The following ADIPOQ variants were observed in gnomAD, a reference collection of about 807,000 sequenced individuals.
ADIPOQ encodes adiponectin.
A neutral mutation model predicts 16.1 loss-of-function variants in ADIPOQ; 19 were observed. The observed-to-expected ratio is 1.18, with a 90% confidence interval of 0.82 to 1.73. The LOEUF is 1.73. Ranked by LOEUF, ADIPOQ falls within the 40% of genes most tolerant of loss-of-function variation. The probability of loss-of-function intolerance (pLI) is 0.00; values close to 1 mark genes in which losing one functional copy is unlikely to be tolerated. For synonymous variants in ADIPOQ, 124 were observed against 125.5 expected (o/e 0.99, Z 0.08); for missense variants, 323 against 308.3 (o/e 1.05, Z -0.36).
At chr3:186,853,418 G>A (rs944370655) in intron 2 of ADIPOQ, 146 bp downstream of exon 2, 54 of 1,082,468 alleles carry the variant, frequency 5.0e-5, no homozygotes, top group Non-Finnish European at 7.1e-5. Context: ...GTGATTTGGG[G>A]TTGGTCTTCC....
intron 1 of ADIPOQ, among the ~76,000 whole-genome samples, chr3:186,847,896 G>C (rs1711620100): frequency 6.6e-6 from 1 of 152,164 alleles, no homozygotes; most frequent in Non-Finnish European, 1.5e-5. Context: ...AACAGGCCGG[G>C]CGCAGTGGCT....
At chr3:186,848,618 C>T (rs530539485) in intron 1 of ADIPOQ, among the ~76,000 whole-genome samples, 1 of 152,256 alleles carries the variant, frequency 6.6e-6, no homozygotes, top group Non-Finnish European at 1.5e-5. Flanking sequence ...CTTGGAGTAT[C>T]ATTTTCATGT....
intron 1 of ADIPOQ, among the ~76,000 whole-genome samples, chr3:186,850,446 T>G (rs1183487538): frequency 6.6e-6 from 1 of 152,104 alleles, no homozygotes; most frequent in African/African-American, 2.4e-5. Context: ...GTATAACATA[T>G]GCTGCCATGT....
intron 1 of ADIPOQ, among the ~76,000 whole-genome samples, chr3:186,850,271 CAAAAA>C (rs71634014): frequency 1.1e-5 from 1 of 88,740 alleles, no homozygotes. Context: ...TCCTCTCTCT[CAAAAA>C]AAAAAAAAAA....
At chr3:186,847,060 C>A (rs1365465395) in intron 1 of ADIPOQ, among the ~76,000 whole-genome samples, 1 of 152,212 alleles carries the variant, frequency 6.6e-6, no homozygotes, top group African/African-American at 2.4e-5. Flanking sequence ...CTGAAGTCCC[C>A]TTTCCTCATC....
chr3:186,851,526 C>T lies in ADIPOQ; in HGVS notation c.-8-1525C>T, dbSNP rs113384245. 1.1e-3 allele frequency among the ~76,000 whole-genome samples: 160 copies of T among 152,186 alleles called. 1 individual carries two copies. The highest frequency in any genetic ancestry group is 3.8e-3 in the African/African-American group (158 of 41,528). Reference sequence around the variant, plus strand: ...AAAGAATGATTTTGAGACAGGGAGGCTTTTGACTACCTGTGCCACTTGAGC... The same window carrying T: ...AAAGAATGATTTTGAGACAGGGAGGTTTTTGACTACCTGTGCCACTTGAGC... On this transcript the variant is annotated intron_variant, in intron 1 of 2. Coordinates refer to ENST00000320741, the MANE Select transcript of ADIPOQ (RefSeq NM_004797.4).
intron 2 of ADIPOQ, 188 bp from the exon 3 acceptor site, chr3:186,853,996 C>T: frequency 1.7e-6 from 1 of 604,378 alleles, no homozygotes; most frequent in Non-Finnish European, 2.9e-6. Flanking sequence ...ATTATGGGAG[C>T]CTCCATGTCT....
intron 1 of ADIPOQ, among the ~76,000 whole-genome samples, chr3:186,849,368 A>T (rs970852084): frequency 1.3e-5 from 2 of 152,220 alleles, no homozygotes; most frequent in Non-Finnish European, 2.9e-5. Flanking sequence ...AAGATGCATG[A>T]AATCTGTAAA....
Position 186,848,189 on chromosome 3 carries a change from G to GAC in ADIPOQ, c.-8-4861_-8-4860insCA, listed in dbSNP as rs1553805201. On this transcript the variant is annotated intron_variant, in intron 1 of 2. Coordinates refer to ENST00000320741, the MANE Select transcript of ADIPOQ (RefSeq NM_004797.4). ...CTCCACTTCAGAAACAAAAAAAAAA[G>GAC]AGAGAGAGAAAAGAAGGAAGGAAGG... 1.4e-4 allele frequency among the ~76,000 whole-genome samples: 7 copies of GAC among 50,734 alleles called. 1 individual carries two copies. Among genetic ancestry groups the GAC allele is most frequent in the East Asian group, 5.6e-4 (1 of 1,790 alleles). The allele number at this position is 50,734 out of a possible 152,430, so 33.3% of individuals were successfully genotyped here.
rs1712022226 is a variant in ADIPOQ, at chr3:186,856,803, G to A, written c.*2099G>A. 6.6e-6 allele frequency: 1 copy of A among 152,092 alleles called. No individual in the cohort carries two copies. The highest frequency in any genetic ancestry group is 1.5e-5 in the Non-Finnish European group (1 of 68,024). 9.4% of individuals were successfully genotyped at this position (152,092 alleles called of 1,614,324 possible). A position where few individuals can be genotyped will look rare whatever the true frequency, so the allele number is the denominator to read the frequency against. ...TTAGTCAGAACTCTGTGTTGTGAAT[G>A]TCATTCACAACAGAAAACCCAAAAT... On this transcript the variant is annotated 3_prime_UTR_variant, in exon 3 of 3. Coordinates refer to ENST00000320741, the MANE Select transcript of ADIPOQ (RefSeq NM_004797.4).
intron 1 of ADIPOQ, among the ~76,000 whole-genome samples, chr3:186,849,221 G>T (rs1161414751): frequency 6.6e-6 from 1 of 152,162 alleles, no homozygotes; most frequent in Non-Finnish European, 1.5e-5. Context: ...CTGTTTCCCA[G>T]CAGAAAAGGA....
At chr3:186,851,260 AG>A (rs1711757029) in intron 1 of ADIPOQ, among the ~76,000 whole-genome samples, 1 of 152,224 alleles carries the variant, frequency 6.6e-6, no homozygotes, top group South Asian at 2.1e-4. Flanking sequence ...GTTTAGAATC[AG>A]ATTCTTGGGA....
chr3:186,845,944 T>C (rs1025643229), intron 1 of ADIPOQ, among the ~76,000 whole-genome samples: 1 of 152,304 alleles, frequency 6.6e-6, no homozygotes, highest in African/African-American at 2.4e-5. Context: ...GTAGTGCTTT[T>C]TCGGAGGCAC....
At chr3:186,845,393 C>T (rs772634935) in intron 1 of ADIPOQ, among the ~76,000 whole-genome samples, 3 of 151,880 alleles carry the variant, frequency 2.0e-5, no homozygotes, top group African/African-American at 4.8e-5. Flanking sequence ...TTTTTTGAGA[C>T]AGAGTTTCAC....
intron 1 of ADIPOQ, among the ~76,000 whole-genome samples, chr3:186,844,527 A>C (rs1180320830): frequency 1.3e-5 from 2 of 151,540 alleles, no homozygotes; most frequent in Non-Finnish European, 2.9e-5. Context: ...AAAAAAAAAA[A>C]AAATAGACAC....
In ADIPOQ at chr3:186,846,330, C is replaced by G. The variant is rs551824821; in HGVS notation, c.-9+3581C>G. ...CAATGCAAATTCCGCCTCCCAGGCT[C>G]AAGCAATTCTTATGTCTCAGCCTCC... On this transcript the variant is annotated intron_variant, in intron 1 of 2. Transcript: ENST00000320741. 3.9e-5 allele frequency among the ~76,000 whole-genome samples: 6 copies of G among 151,968 alleles called. No individual in the cohort carries two copies. The East Asian group carries it at 9.7e-4, about 25-fold the overall frequency.
chr3:186,853,697 T>C (rs3821799), intron 2 of ADIPOQ: 114,784 of 224,586 alleles, frequency 0.51, 30,041 homozygotes, highest in South Asian at 0.56. Flanking sequence ...TGGTGGTTAC[T>C]ACAAGAAAGT....
chr3:186,852,675 T>G, intron 1 of ADIPOQ: 1 of 231,218 alleles, frequency 4.3e-6, no homozygotes, highest in South Asian at 1.0e-4. Context: ...AATGGAGCAA[T>G]CTGTGTCATC....
At chr3:186,844,951 G>A (rs886203603) in intron 1 of ADIPOQ, among the ~76,000 whole-genome samples, 1 of 152,118 alleles carries the variant, frequency 6.6e-6, no homozygotes, top group Non-Finnish European at 1.5e-5. Context: ...CTTTCAATCA[G>A]GAATTTCAAT....
Sources: allele counts gnomAD v4.1 joint callset (sites outside exome capture counted in the v4.1 genomes callset), GRCh38; gene constraint gnomAD v4.1.1; transcripts MANE v1.5; gene names NCBI Gene and HGNC (gene_info 2026-07-23, HGNC 2026-07-21).